Variants in ISL2 observed in about 807,000 individuals in gnomAD.
The protein encoded by ISL2 is ISL LIM homeobox 2.
Under a neutral mutation model 34.6 loss-of-function variants are expected in ISL2, and 17 were observed. The ratio of observed to expected loss-of-function variants is 0.49; its 90% CI spans 0.34 to 0.74. The LOEUF is 0.74. ISL2 is among the 30% of genes least tolerant of loss of function. ISL2 has a pLI of 0.01. For synonymous variants in ISL2, 232 were observed against 225.5 expected, an observed-to-expected ratio of 1.03 and a Z score of -0.26; for missense variants, 469 against 515.2, an observed-to-expected ratio of 0.91 and a Z score of 0.87.
At position 76,340,493 on chromosome 15, in the gene ISL2, C is replaced by T. The variant is rs760179882; in HGVS notation, c.729C>T (p.Arg243=). The T allele has an allele frequency of 4.3e-6, 7 of 1,613,766 alleles. No individual in the cohort carries two copies. The highest frequency in any genetic ancestry group is 1.1e-5 in the South Asian group (1 of 91,086). ...RVIRVWFQNK[R]CKDKKKSILM... ...TCCGCGTCTGGTTCCAGAACAAGCGCTGCAAGGACAAGAAGAAATCCATTC... is the reference window on the plus strand; with the variant it reads ...TCCGCGTCTGGTTCCAGAACAAGCGTTGCAAGGACAAGAAGAAATCCATTC... The change falls in exon 4 of 6, where the codon CGC becomes CGT. Residue 243 remains arginine, a synonymous_variant. Transcript: ENST00000290759.
intron 1 of ISL2, 89 bp from the exon 2 acceptor site, chr15:76,337,689 C>A (rs1201576202): frequency 8.7e-7 from 1 of 1,151,318 alleles, no homozygotes; most frequent in Non-Finnish European, 1.2e-6. Context: ...AGCAAGAGAG[C>A]GAGCGGGTTG....
rs763574437 is a variant in ISL2 at position 76,341,733 on chromosome 15, GTCCGGCTCCCTAGGCAACTCC to G, written c.985_1005del (p.Leu330_Ser336del). 15 of 1,613,808 alleles carry G rather than the reference GTCCGGCTCCCTAGGCAACTCC, an allele frequency of 9.3e-6. No homozygotes were observed. The Admixed American group carries it at 2.5e-4, about 27-fold the overall frequency. ...CGCCGCCCCAGGTCTCCTTCTCCGAGTCCGGCTCCCTAGGCAACTCCTCCGGCAGCGACGTGACCTCCCTGT... is the reference window on the plus strand; with the variant it reads ...CGCCGCCCCAGGTCTCCTTCTCCGAGTCCGGCAGCGACGTGACCTCCCTGT... On this transcript the variant is annotated inframe_deletion, in exon 6 of 6. Transcript: ENST00000290759.
intron 2 of ISL2, 34 bp downstream of exon 2, chr15:76,338,001 C>A (rs748969428): frequency 1.3e-6 from 2 of 1,520,826 alleles, no homozygotes; most frequent in African/African-American, 1.4e-5. Context: ...TGGGCCACCG[C>A]GCGCAGGGGC....
Position 76,338,337 on chromosome 15 carries a change from A to G in ISL2, c.334A>G (p.Ile112Val). The G allele has an allele frequency of 6.3e-7, 1 of 1,575,990 alleles. No individual in the cohort carries two copies. Residue 112 changes from isoleucine to valine, a missense_variant, in exon 3 of 6, where the codon ATC becomes GTC. Physicochemically the swap from Ile to Val is conservative, Grantham distance 29. Coordinates refer to ENST00000290759, the MANE Select transcript of ISL2 (RefSeq NM_145805.3). Reference sequence around the variant, plus strand: ...GAGGGCGCGGGACAGCGTGTACCACATCGAGTGCTTCCGCTGCTCCGTGTG... The same window carrying G: ...GAGGGCGCGGGACAGCGTGTACCACGTCGAGTGCTTCCGCTGCTCCGTGTG... ...VMRARDSVYH[I>V]ECFRCSVCSR...
chr15:76,337,307 A>T (rs948478449), intron 1 of ISL2: 1 of 345,000 alleles, frequency 2.9e-6, no homozygotes, highest in Admixed American at 4.9e-5. Context: ...TTGCTCTGGG[A>T]TATTTAAACT....
chr15:76,338,056 C>A, intron 2 of ISL2, 89 bp downstream of exon 2: 1 of 1,322,726 alleles, frequency 7.6e-7, no homozygotes, highest in African/African-American at 1.6e-5. Flanking sequence ...CGCCCCGGCC[C>A]TGCCCAGGGA....
At position 76,336,837 on chromosome 15, in the gene ISL2, G is replaced by C; in HGVS notation, c.-47G>C. On this transcript the variant is annotated 5_prime_UTR_variant, in exon 1 of 6. Coordinates refer to ENST00000290759, the MANE Select transcript of ISL2 (RefSeq NM_145805.3). Reference sequence around the variant, plus strand: ...AGCCGAGGCCGGGCGCGCGACCCTCGTCCTTCTGCCCCTGGCCGCACACTT... The same window carrying C: ...AGCCGAGGCCGGGCGCGCGACCCTCCTCCTTCTGCCCCTGGCCGCACACTT... The C allele has an allele frequency of 1.3e-6, 2 of 1,566,650 alleles. No individual in the cohort carries two copies. The highest frequency in any genetic ancestry group is 3.3e-4 in the Middle Eastern group (2 of 5,994).
At chr15:76,339,754 C>T (rs1249893690) in intron 3 of ISL2, 1 of 991,374 alleles carries the variant, frequency 1.0e-6, no homozygotes, top group Non-Finnish European at 1.2e-6. Flanking sequence ...CACATGTGGC[C>T]TGGCCCTGTC....
In ISL2 at chr15:76,340,531, T is replaced by A. The variant is rs1555407143; in HGVS notation, c.767T>A (p.Leu256Gln). Residue 256 changes from leucine to glutamine, a missense_variant, in exon 4 of 6, where the codon CTG becomes CAG. Leu to Gln is a moderately radical substitution (Grantham distance 113, BLOSUM62 -2). Coordinates refer to ENST00000290759, the MANE Select transcript of ISL2 (RefSeq NM_145805.3). ...DKKKSILMKQ[L>Q]QQQQHSDKTS... Reference sequence around the variant, plus strand: ...AAGAAATCCATTCTCATGAAGCAGCTGCAGCAGCAGCAGCACAGCGACAAG... The same window carrying A: ...AAGAAATCCATTCTCATGAAGCAGCAGCAGCAGCAGCAGCACAGCGACAAG... The A allele has an allele frequency of 1.2e-6, 2 of 1,602,198 alleles. No homozygotes were observed. Among genetic ancestry groups the A allele is most frequent in the South Asian group, 1.1e-5 (1 of 90,570 alleles).
At chr15:76,339,794 C>T (rs1365519926) in intron 3 of ISL2, 2 of 994,986 alleles carry the variant, frequency 2.0e-6, no homozygotes, top group Non-Finnish European at 2.4e-6. Flanking sequence ...GGGAAGGGCC[C>T]TCGTAGGCCC....
intron 5 of ISL2, 134 bp downstream of exon 5, chr15:76,341,435 G>T: frequency 2.4e-6 from 2 of 823,082 alleles, no homozygotes; most frequent in Non-Finnish European, 3.7e-6. Flanking sequence ...GGGGGAGGGG[G>T]AACAGTGGCG....
At chr15:76,339,969 A>C in intron 3 of ISL2, 2 of 1,196,314 alleles carry the variant, frequency 1.7e-6, no homozygotes, top group African/African-American at 1.6e-5. Flanking sequence ...CTGCGACTGG[A>C]GGAGGCACAT....
Position 76,341,358 on chromosome 15 carries a change from C to T in ISL2, c.963+57C>T, listed in dbSNP as rs558033599. The T allele has an allele frequency of 6.0e-5, 90 of 1,495,692 alleles. No individual in the cohort carries two copies. The South Asian group carries it at 1.1e-3, about 19-fold the overall frequency. The allele number at this position is 1,495,692 out of a possible 1,614,324, so 92.7% of individuals were successfully genotyped here. The stretch of plus-strand genomic sequence containing the variant: ...GGACTCTGCGGGTTGGGGATTTAGC[C>T]ACTTAGCCTGGCAGAGAGGGGAGGG... On this transcript the variant is annotated intron_variant, in intron 5 of 5. Transcript: ENST00000290759.
At chr15:76,339,497 C>T (rs1369641920) in intron 3 of ISL2, 1 of 985,582 alleles carries the variant, frequency 1.0e-6, no homozygotes, top group South Asian at 4.7e-5. Flanking sequence ...GGAGAGGCTC[C>T]CCTTTGTTTG....
At chr15:76,340,125 A>G in intron 3 of ISL2, 151 bp from the exon 4 acceptor site, 1 of 1,423,580 alleles carries the variant, frequency 7.0e-7, no homozygotes, top group Non-Finnish European at 9.1e-7. Context: ...TAAGGCGAAC[A>G]GATGGAGAGG....
chr15:76,341,782 T>C lies in ISL2; in HGVS notation c.1027T>C (p.Ser343Pro), dbSNP rs769708539. ...CGGCAGCGACGTGACCTCCCTGTCCTCGCAGCTCCCGGACACCCCCAACAG... is the reference window on the plus strand; with the variant it reads ...CGGCAGCGACGTGACCTCCCTGTCCCCGCAGCTCCCGGACACCCCCAACAG... ...SSGSDVTSLSSQLPDTPNSMV... is the reference protein window; with the variant it reads ...SSGSDVTSLSPQLPDTPNSMV... The change falls in exon 6 of 6, where the codon TCG becomes CCG. Residue 343 changes from serine (S) to proline (P), a missense_variant. Physicochemically the swap from Ser to Pro is moderately conservative, Grantham distance 74. Transcript: ENST00000290759. The C allele has an allele frequency of 6.2e-7, 1 of 1,613,922 alleles. No homozygotes were observed. Among genetic ancestry groups the C allele is most frequent in the South Asian group, 1.1e-5 (1 of 91,082 alleles).
Position 76,338,089 on chromosome 15 carries a change from G to T in ISL2, c.248+122G>T, listed in dbSNP as rs2040165976. 3 of 1,316,596 alleles carry T rather than the reference G, an allele frequency of 2.3e-6. No homozygotes were observed. In the South Asian group the frequency reaches 5.0e-5, roughly 22 times the overall value. The allele number at this position is 1,316,596 out of a possible 1,614,324, so 81.6% of individuals were successfully genotyped here. On this transcript the variant is annotated intron_variant, in intron 2 of 5. Coordinates refer to ENST00000290759, the MANE Select transcript of ISL2 (RefSeq NM_145805.3). ...GGAGAAGGCCATCCGCATCCCGCAC[G>T]GGTGCCGCAGCGCTCCCCCGGGCCC... is the stretch of plus-strand genomic sequence containing the variant.
rs1403821472 is a variant in ISL2, at chr15:76,341,708, C to A, written c.964-11C>A. 6.3e-7 allele frequency: 1 copy of A among 1,597,992 alleles called. No individual in the cohort carries two copies. Among genetic ancestry groups the A allele is most frequent in the East Asian group, 2.2e-5 (1 of 44,762 alleles). ...TTCACCTGCCTCTTCCCGGTGTTTCCGCCGCCCCAGGTCTCCTTCTCCGAG... is the reference window on the plus strand; with the variant it reads ...TTCACCTGCCTCTTCCCGGTGTTTCAGCCGCCCCAGGTCTCCTTCTCCGAG... On this transcript the variant is annotated splice_polypyrimidine_tract_variant and intron_variant, in intron 5 of 5. Transcript: ENST00000290759.
intron 3 of ISL2, 89 bp downstream of exon 3, chr15:76,338,603 G>A: frequency 8.0e-7 from 1 of 1,250,490 alleles, no homozygotes; most frequent in East Asian, 3.3e-5. Flanking sequence ...ACGAGAAGTT[G>A]TCAGTTGTGT....
Sources: gnomAD v4.1 joint callset for allele counts on GRCh38, gnomAD v4.1.1 for gene constraint, MANE v1.5 for transcripts, NCBI Gene and HGNC (gene_info 2026-07-23, HGNC 2026-07-21) for gene names.